Variants in JAML observed in about 807,000 individuals in gnomAD.
JAML encodes junction adhesion molecule like.
Under a neutral mutation model 39.3 loss-of-function variants are expected in JAML, and 25 were observed. That is an observed-to-expected ratio of 0.64 (90% CI 0.46 to 0.89). The LOEUF is 0.89. Ranked by LOEUF, JAML falls within the 40% of genes least tolerant of loss-of-function variation. The pLI is 0.00. For synonymous variants in JAML, 162 were observed against 179.2 expected (o/e 0.90, Z 0.77); for missense variants, 440 against 486.9 (o/e 0.90, Z 0.91).
chr11:118,200,365 C>T, intron 7 of JAML, 109 bp downstream of exon 7: 1 of 1,335,076 alleles, frequency 7.5e-7, no homozygotes, highest in Non-Finnish European at 1.0e-6. Flanking sequence ...AAAATACCCC[C>T]TTCTGTGAGA....
chr11:118,199,704 T>A (rs1395937971), intron 7 of JAML, among the ~76,000 whole-genome samples: 46 of 146,436 alleles, frequency 3.1e-4, no homozygotes, highest in Non-Finnish European at 4.5e-4. Flanking sequence ...TTTTTTTTTT[T>A]TTTTTTTTTT....
At chr11:118,216,239 C>T (rs954681056) in intron 1 of JAML, among the ~76,000 whole-genome samples, 2 of 151,946 alleles carry the variant, frequency 1.3e-5, no homozygotes, top group Admixed American at 6.6e-5. Flanking sequence ...GGCATGGTGG[C>T]GGCCGCCTGT....
At chr11:118,198,193 G>C in intron 7 of JAML, 102 bp from the exon 8 acceptor site, 1 of 950,918 alleles carries the variant, frequency 1.1e-6, no homozygotes. Flanking sequence ...AGAGACACCA[G>C]AGAAGGAACT....
rs1179213029 is a variant in JAML, at chr11:118,196,763, T to C, written c.1064A>G (p.Glu355Gly). The C allele has an allele frequency of 1.9e-6, 3 of 1,613,172 alleles. No homozygotes were observed. The highest frequency in any genetic ancestry group is 2.5e-6 in the Non-Finnish European group (3 of 1,179,112). ...GGTCATGTAGGTGGCCTCTGATTTT[T>C]CACTTGGTTCTTCTTCCTCGATCAC... ...REVIEEEEPS[E>G]KSEATYMTMH... The change falls in exon 9 of 10, where the codon GAA becomes GGA. Residue 355 changes from glutamate to glycine, a missense_variant. By Grantham distance (98) the Glu-to-Gly change is moderately conservative. Transcript: ENST00000356289.
intron 4 of JAML, among the ~76,000 whole-genome samples, chr11:118,206,729 C>T (rs1456810524): frequency 6.6e-6 from 1 of 152,064 alleles, no homozygotes; most frequent in Non-Finnish European, 1.5e-5. Flanking sequence ...TTTCCACCTC[C>T]TAGGCTCTTC....
intron 2 of JAML, chr11:118,212,886 C>A (rs1430817749): frequency 1.2e-6 from 2 of 1,614,244 alleles, no homozygotes; most frequent in Non-Finnish European, 1.7e-6. Flanking sequence ...CCTTTCTGAT[C>A]ATCAATTTAG....
intron 4 of JAML, among the ~76,000 whole-genome samples, chr11:118,209,552 G>A (rs1469723860): frequency 1.3e-5 from 2 of 152,110 alleles, no homozygotes; most frequent in Admixed American, 6.5e-5. Flanking sequence ...CAGGGTCTCA[G>A]CTCTGTCACC....
intron 5 of JAML, chr11:118,205,501 A>T (rs1948897458): frequency 5.7e-6 from 1 of 176,226 alleles, no homozygotes; most frequent in Non-Finnish European, 1.2e-5. Context: ...ATAAAAGTGT[A>T]ATCACTTTAA....
intron 4 of JAML, among the ~76,000 whole-genome samples, chr11:118,206,308 C>T (rs1230696756): frequency 6.6e-6 from 1 of 152,170 alleles, no homozygotes; most frequent in Non-Finnish European, 1.5e-5. Flanking sequence ...CTTTCTGGTC[C>T]TCTTTAATTC....
chr11:118,197,934 C>T (rs767826818), intron 8 of JAML, 64 bp downstream of exon 8: 3 of 1,449,020 alleles, frequency 2.1e-6, no homozygotes, highest in Non-Finnish European at 2.9e-6. Flanking sequence ...ATATGGTTCC[C>T]GGGGGTATGA....
rs1318124682 is a variant in JAML, at chr11:118,222,699, T to C, written c.-21+2242A>G. 2.0e-5 allele frequency among the ~76,000 whole-genome samples: 3 copies of C among 152,066 alleles called. No homozygotes were observed. Among genetic ancestry groups the C allele is most frequent in the Non-Finnish European group, 1.5e-5 (1 of 67,994 alleles). On this transcript the variant is annotated intron_variant, in intron 1 of 9. Coordinates refer to ENST00000356289, the MANE Select transcript of JAML (RefSeq NM_001098526.2). The surrounding 1 kb of genome is among the most constrained non-coding windows in gnomAD (Gnocchi z 4.2). ...AAAGACAGTGTAAGTAAAGAATGTG[T>C]TTTGGTGGGAGGTTATAAGAAGGCG...
At chr11:118,207,350 G>A (rs1948939115) in intron 4 of JAML, among the ~76,000 whole-genome samples, 1 of 152,124 alleles carries the variant, frequency 6.6e-6, no homozygotes, top group African/African-American at 2.4e-5. Context: ...TTACAGAGAA[G>A]GAAAGTAAAG....
chr11:118,222,687 G>A lies in JAML; in HGVS notation c.-21+2254C>T, dbSNP rs1265617019. Among the ~76,000 whole-genome samples, 2 of 152,182 alleles carry A rather than the reference G, an allele frequency of 1.3e-5. No homozygotes were observed. Among genetic ancestry groups the A allele is most frequent in the Non-Finnish European group, 2.9e-5 (2 of 68,034 alleles). On this transcript the variant is annotated intron_variant, in intron 1 of 9. Coordinates refer to ENST00000356289, the MANE Select transcript of JAML (RefSeq NM_001098526.2). This position sits in a 1 kb window ranked among gnomAD's most constrained non-coding sequence, Gnocchi z 4.2. ...AACATAAAAAATAAAGACAGTGTAA[G>A]TAAAGAATGTGTTTTGGTGGGAGGT...
At position 118,210,731 on chromosome 11, in the gene JAML, T is replaced by C; in HGVS notation, c.199-19A>G. The C allele has an allele frequency of 6.2e-7, 1 of 1,603,614 alleles. No individual in the cohort carries two copies. The highest frequency in any genetic ancestry group is 2.2e-5 in the East Asian group (1 of 44,822). On this transcript the variant is annotated intron_variant, in intron 3 of 9. Transcript: ENST00000356289. ...ATTCGTCCTGAAGGGCAAAACAGTG[T>C]TGGAGACAATCAAAAGAGGTGCCAG...
At position 118,222,252 on chromosome 11, in the gene JAML, C is replaced by CA. The variant is rs904412612; in HGVS notation, c.-21+2688dup. Among the ~76,000 whole-genome samples, 138 of 146,686 alleles carry CA rather than the reference C, an allele frequency of 9.4e-4. No homozygotes were observed. Among genetic ancestry groups the CA allele is most frequent in the South Asian group, 1.9e-3 (9 of 4,654 alleles). ...GCAACTTGGTGAAACACCATCTGAACAAAAAAAAAATACAAAAATTAGCTG... is the reference window on the plus strand; with the variant it reads ...GCAACTTGGTGAAACACCATCTGAACAAAAAAAAAAATACAAAAATTAGCTG... On this transcript the variant is annotated intron_variant, in intron 1 of 9. Coordinates refer to ENST00000356289, the MANE Select transcript of JAML (RefSeq NM_001098526.2). This position sits in a 1 kb window ranked among gnomAD's most constrained non-coding sequence, Gnocchi z 4.2.
chr11:118,213,772 A>C (rs1318853962), intron 2 of JAML, among the ~76,000 whole-genome samples: 1 of 152,170 alleles, frequency 6.6e-6, no homozygotes, highest in Non-Finnish European at 1.5e-5. Context: ...AAAAACTACA[A>C]AACCCCCAGT....
chr11:118,219,117 T>C (rs2134677796), intron 1 of JAML, among the ~76,000 whole-genome samples: 1 of 152,250 alleles, frequency 6.6e-6, no homozygotes, highest in African/African-American at 2.4e-5. Context: ...GCAAATGGTC[T>C]GAACAGACAT....
At chr11:118,202,670 C>A (rs1948831032) in intron 6 of JAML, 4 of 292,014 alleles carry the variant, frequency 1.4e-5, no homozygotes, top group South Asian at 1.2e-4. Context: ...CTCCCCTCTC[C>A]AGCTGGAGAC....
chr11:118,215,591 T>G (rs1591480101), intron 1 of JAML, among the ~76,000 whole-genome samples: 1 of 151,876 alleles, frequency 6.6e-6, no homozygotes, highest in East Asian at 1.9e-4. Context: ...CCAGTGATCC[T>G]CCACCTCAGC....
Sources: allele counts gnomAD v4.1 joint callset (sites outside exome capture counted in the v4.1 genomes callset), GRCh38; gene constraint gnomAD v4.1.1; non-coding constraint Gnocchi (gnomAD v3.1); transcripts MANE v1.5; gene names NCBI Gene and HGNC (gene_info 2026-07-23, HGNC 2026-07-21).